The following SORCS2 variants were observed in gnomAD, a reference collection of about 807,000 sequenced individuals.
SORCS2 encodes VPS10 domain-containing receptor SorCS2.
Under a neutral mutation model 141.6 loss-of-function variants are expected in SORCS2, and 100 were observed. That is an observed-to-expected ratio of 0.71 (90% CI 0.60 to 0.83). SORCS2 has a LOEUF of 0.83. Ranked by LOEUF, SORCS2 falls within the 40% of genes least tolerant of loss-of-function variation. The probability of loss-of-function intolerance (pLI) is 0.00; values close to 1 mark genes in which losing one functional copy is unlikely to be tolerated. For missense variants in SORCS2, 1,646 were observed against 1,560.2 expected (o/e 1.05, Z -0.93); for synonymous variants, 789 against 676.9 (o/e 1.17, Z -2.57).
intron 3 of SORCS2, among the ~76,000 whole-genome samples, chr4:7,617,505 T>C (rs550440563): frequency 2.6e-5 from 4 of 152,112 alleles, no homozygotes; most frequent in Non-Finnish European, 5.9e-5. Context: ...GTCAAGGAGC[T>C]CACAGCCCAA....
intron 1 of SORCS2, among the ~76,000 whole-genome samples, chr4:7,213,631 C>T (rs1728170341): frequency 6.6e-6 from 1 of 152,190 alleles, no homozygotes; most frequent in South Asian, 2.1e-4. Flanking sequence ...ATTGCAAGGA[C>T]CTCGGGAGCC....
intron 2 of SORCS2, among the ~76,000 whole-genome samples, chr4:7,497,289 C>T (rs1020035374): frequency 1.3e-5 from 2 of 152,252 alleles, no homozygotes; most frequent in Non-Finnish European, 2.9e-5. Context: ...AGGAGGGCCT[C>T]ATTCAGCCTT....
chr4:7,565,613 ATAATG>A (rs1714917045), intron 3 of SORCS2, among the ~76,000 whole-genome samples: 1 of 149,594 alleles, frequency 6.7e-6, no homozygotes, highest in Non-Finnish European at 1.5e-5. Flanking sequence ...TGATGATGAT[ATAATG>A]ATGATAATGA....
intron 2 of SORCS2, among the ~76,000 whole-genome samples, chr4:7,418,072 G>A (rs1725811483): frequency 6.6e-6 from 1 of 152,156 alleles, no homozygotes; most frequent in African/African-American, 2.4e-5. Context: ...GCTCTTACCA[G>A]TTACGCTGTC....
At chr4:7,367,182 G>A (rs183493911) in intron 1 of SORCS2, among the ~76,000 whole-genome samples, 75 of 152,304 alleles carry the variant, frequency 4.9e-4, no homozygotes, top group African/African-American at 1.7e-3. Context: ...TGGCAAGGGA[G>A]GTGGTAGTCT....
rs146010720 is a variant in SORCS2, at chr4:7,269,454, A to G, written c.480+76328A>G. ...TGAACACGATCTTATTTGAAATCAG[A>G]TCTTTATGGATGGAATCCAGTGAAG... On this transcript the variant is annotated intron_variant, in intron 1 of 26. Coordinates refer to ENST00000507866, the MANE Select transcript of SORCS2 (RefSeq NM_020777.3). Among the ~76,000 whole-genome samples the G allele has an allele frequency of 5.2e-4, 79 of 152,320 alleles. 1 individual carries two copies. The East Asian group carries it at 0.015, about 29-fold the overall frequency.
intron 1 of SORCS2, among the ~76,000 whole-genome samples, chr4:7,365,314 G>A (rs982993185): frequency 6.6e-6 from 1 of 152,100 alleles, no homozygotes. Flanking sequence ...GGGGAGTTCA[G>A]GAGGGCGCAA....
chr4:7,680,165 C>A (rs76721091), intron 9 of SORCS2, among the ~76,000 whole-genome samples: 4,609 of 152,330 alleles, frequency 0.03, 120 homozygotes, highest in Middle Eastern at 0.078. Flanking sequence ...GACCACACAG[C>A]AAACGATGTG....
intron 3 of SORCS2, among the ~76,000 whole-genome samples, chr4:7,581,047 C>T (rs996167758): frequency 3.3e-5 from 5 of 151,198 alleles, no homozygotes; most frequent in South Asian, 2.1e-4. Context: ...AACTGAGGCT[C>T]ATAGAAGAAA....
intron 2 of SORCS2, among the ~76,000 whole-genome samples, chr4:7,415,090 T>A (rs1725573444): frequency 6.6e-6 from 1 of 152,108 alleles, no homozygotes; most frequent in Non-Finnish European, 1.5e-5. Context: ...AAAAACGAGG[T>A]AGGCATTTCA....
At chr4:7,505,008 C>T (rs535104062) in intron 2 of SORCS2, among the ~76,000 whole-genome samples, 10 of 152,318 alleles carry the variant, frequency 6.6e-5, no homozygotes, top group African/African-American at 2.4e-4. Flanking sequence ...TCCACCTCCT[C>T]CTGGTAAACC....
At chr4:7,489,078 C>T (rs10937828) in intron 2 of SORCS2, among the ~76,000 whole-genome samples, 56,991 of 152,074 alleles carry the variant, frequency 0.37, 11,326 homozygotes, top group Middle Eastern at 0.44. Flanking sequence ...ACCCACATTT[C>T]AGTTGGGGAT....
At chr4:7,660,869 G>C (rs903392946) in intron 5 of SORCS2, among the ~76,000 whole-genome samples, 1 of 152,172 alleles carries the variant, frequency 6.6e-6, no homozygotes, top group Admixed American at 6.5e-5. Flanking sequence ...ATCCCTGGAG[G>C]CAGCACCAGG....
intron 2 of SORCS2, among the ~76,000 whole-genome samples, chr4:7,423,652 G>T: frequency 6.6e-6 from 1 of 152,144 alleles, no homozygotes; most frequent in East Asian, 1.9e-4. Context: ...GGTCAGTTTC[G>T]TGCCCAGGAC....
rs576972539 is a variant in SORCS2, at chr4:7,207,220, CTT to C, written c.480+14096_480+14097del. On this transcript the variant is annotated intron_variant, in intron 1 of 26. Coordinates refer to ENST00000507866, the MANE Select transcript of SORCS2 (RefSeq NM_020777.3). ...CACATGTGGGGCCTCGCTTTTCATTCTTTGTCTGTGAATGTCTTTTCTTCCAA... is the reference window on the plus strand; with the variant it reads ...CACATGTGGGGCCTCGCTTTTCATTCTGTCTGTGAATGTCTTTTCTTCCAA... 2.0e-5 allele frequency among the ~76,000 whole-genome samples: 3 copies of C among 152,340 alleles called. No individual in the cohort carries two copies. In the East Asian group the frequency reaches 5.8e-4, roughly 29 times the overall value.
At chr4:7,436,289 G>A (rs1168848278) in intron 2 of SORCS2, among the ~76,000 whole-genome samples, 2 of 152,242 alleles carry the variant, frequency 1.3e-5, no homozygotes, top group East Asian at 3.8e-4. Context: ...CCAAGCACGT[G>A]TTGATACATT....
At chr4:7,639,414 G>A (rs1402505327) in intron 4 of SORCS2, among the ~76,000 whole-genome samples, 2 of 116,964 alleles carry the variant, frequency 1.7e-5, no homozygotes, top group East Asian at 1.2e-3. Context: ...TACTGCATAA[G>A]TGTGTGTGTG....
intron 2 of SORCS2, among the ~76,000 whole-genome samples, chr4:7,500,276 G>A (rs1429919980): frequency 6.6e-6 from 1 of 151,246 alleles, no homozygotes; most frequent in African/African-American, 2.4e-5. Flanking sequence ...GCCCCGAGCA[G>A]TGGTGGGCAG....
chr4:7,193,156 C>T lies in SORCS2; in HGVS notation c.480+30C>T. On this transcript the variant is annotated intron_variant, in intron 1 of 26. Transcript: ENST00000507866. The surrounding 1 kb of genome is among the most constrained non-coding windows in gnomAD (Gnocchi z 4.8). The stretch of plus-strand genomic sequence containing the variant: ...GTGACCTCCACGCGCTCGCCGCGGC[C>T]CCTACCCGGGACACCGCGGGACACC... 7 of 1,483,202 alleles carry T rather than the reference C, an allele frequency of 4.7e-6. No homozygotes were observed. The highest frequency in any genetic ancestry group is 6.2e-6 in the Non-Finnish European group (7 of 1,125,354). 91.9% of individuals were successfully genotyped at this position (1,483,202 alleles called of 1,614,324 possible).
Sources: gnomAD v4.1 joint callset for allele counts (sites outside exome capture counted in the v4.1 genomes callset) on GRCh38, gnomAD v4.1.1 for gene constraint, Gnocchi (gnomAD v3.1) non-coding constraint, MANE v1.5 for transcripts, NCBI Gene and HGNC (gene_info 2026-07-23, HGNC 2026-07-21) for gene names.